Variants in RAB27B observed in about 807,000 individuals in gnomAD.
RAB27B encodes the protein RAB27B, member RAS oncogene family, also known as ras-related protein Rab-27B.
In RAB27B, 15 loss-of-function variants were observed where a neutral mutation model predicts 24.6. That is an observed-to-expected ratio of 0.61 (90% CI 0.41 to 0.94). RAB27B has a LOEUF of 0.94. RAB27B is among the 40% of genes least tolerant of loss of function. The pLI is 0.00. For missense variants in RAB27B, 261 were observed against 266.8 expected, an observed-to-expected ratio of 0.98 and a Z score of 0.15; for synonymous variants, 105 against 92.5, an observed-to-expected ratio of 1.14 and a Z score of -0.78.
At chr18:54,878,373 A>G (rs890630651) in intron 2 of RAB27B, among the ~76,000 whole-genome samples, 3 of 152,198 alleles carry the variant, frequency 2.0e-5, no homozygotes. Context: ...CACAGAAGCT[A>G]GGCCAGATTT....
chr18:54,884,912 GATA>G (rs1420374910), intron 4 of RAB27B, among the ~76,000 whole-genome samples: 2 of 152,160 alleles, frequency 1.3e-5, no homozygotes, highest in African/African-American at 4.8e-5. Flanking sequence ...GTCGCATGAT[GATA>G]AGGTGAGGCA....
At chr18:54,822,215 G>A (rs1377087035) in intron 2 of RAB27B, among the ~76,000 whole-genome samples, 1 of 152,082 alleles carries the variant, frequency 6.6e-6, no homozygotes, top group Non-Finnish European at 1.5e-5. Flanking sequence ...TGATAAAAGT[G>A]TACTTTGAGA....
chr18:54,754,942 C>T (rs1024381355), intron 2 of RAB27B, among the ~76,000 whole-genome samples: 1 of 152,160 alleles, frequency 6.6e-6, no homozygotes, highest in South Asian at 2.1e-4. Flanking sequence ...AACTCTGGCT[C>T]TCCTAGGCTC....
rs140403789 is a variant in RAB27B, at chr18:54,772,809, T to C, written c.-20+54668T>C. ...CTTGGTATAATCATCAGGCTAGGTA[T>C]GGTGATTATACCTACCTTGTATATT... On this transcript the variant is annotated intron_variant, in intron 2 of 4. Transcript: ENST00000586570. Among the ~76,000 whole-genome samples the C allele has an allele frequency of 1.3e-3, 204 of 152,358 alleles. 4 individuals are homozygous for C. In the East Asian group the frequency reaches 0.034, roughly 26 times the overall value.
chr18:54,844,408 C>T (rs925682773), intron 1 of RAB27B, among the ~76,000 whole-genome samples: 31 of 107,868 alleles, frequency 2.9e-4, no homozygotes, highest in African/African-American at 6.1e-4. Flanking sequence ...CTTTTCTTTT[C>T]TTTTTTTTTT....
intron 2 of RAB27B, among the ~76,000 whole-genome samples, chr18:54,751,182 A>C (rs746422179): frequency 1.3e-5 from 2 of 152,084 alleles, no homozygotes; most frequent in Non-Finnish European, 2.9e-5. Context: ...GAGGCACTGG[A>C]GTAGTTCATA....
chr18:54,752,482 A>G (rs148938317), intron 2 of RAB27B, among the ~76,000 whole-genome samples: 4 of 152,358 alleles, frequency 2.6e-5, no homozygotes, highest in African/African-American at 9.6e-5. Context: ...TGCTTTACCA[A>G]ATCAGAGTAG....
chr18:54,799,452 T>C (rs768465790), intron 2 of RAB27B, among the ~76,000 whole-genome samples: 1 of 152,100 alleles, frequency 6.6e-6, no homozygotes, highest in Non-Finnish European at 1.5e-5. Flanking sequence ...GGGTATAATA[T>C]GTGAACATTT....
chr18:54,830,110 A>G (rs1274224929), intron 1 of RAB27B, among the ~76,000 whole-genome samples: 1 of 152,192 alleles, frequency 6.6e-6, no homozygotes, highest in African/African-American at 2.4e-5. Context: ...TAAGCAAACC[A>G]CAGTTCCCCT....
rs370327006 is a variant in RAB27B, at chr18:54,804,600, G to C, written c.-19-72967G>C. ...ATTCAATTGGCCTGTAATCTCCAAC[G>C]GTGTCAAGATCATGAGGGTCAAAGG... is the stretch of plus-strand genomic sequence containing the variant. On this transcript the variant is annotated intron_variant, in intron 2 of 4. Coordinates refer to the RAB27B transcript ENST00000586570. 2.2e-4 allele frequency among the ~76,000 whole-genome samples: 33 copies of C among 152,100 alleles called. 1 individual carries two copies. The highest frequency in any genetic ancestry group is 8.0e-4 in the African/African-American group (33 of 41,398).
intron 2 of RAB27B, among the ~76,000 whole-genome samples, chr18:54,756,489 A>C (rs528473700): frequency 3.6e-4 from 55 of 152,180 alleles, no homozygotes; most frequent in South Asian, 2.1e-4. Flanking sequence ...TTTAGCCCCT[A>C]GGAACTTACC....
intron 2 of RAB27B, among the ~76,000 whole-genome samples, chr18:54,814,722 T>C (rs897715970): frequency 6.6e-6 from 1 of 152,206 alleles, no homozygotes; most frequent in African/African-American, 2.4e-5. Context: ...TGCCAAAATA[T>C]TAATATTCTA....
chr18:54,894,012 G>A lies in RAB27B; in HGVS notation c.*4599G>A, dbSNP rs975068668. 9 of 151,874 alleles carry A rather than the reference G, an allele frequency of 5.9e-5. No homozygotes were observed. The highest frequency in any genetic ancestry group is 2.2e-4 in the African/African-American group (9 of 41,378). The allele number at this position is 151,874 out of a possible 1,614,324, so 9.4% of individuals were successfully genotyped here. A position where few individuals can be genotyped will look rare whatever the true frequency, so the allele number is the denominator to read the frequency against. On this transcript the variant is annotated 3_prime_UTR_variant, in exon 6 of 6. Transcript: ENST00000262094. ...CCTTTCGTTGTTGGCATAAAAATGTGATACACTTAGAGACATTTTGTTTAT... is the reference window on the plus strand; with the variant it reads ...CCTTTCGTTGTTGGCATAAAAATGTAATACACTTAGAGACATTTTGTTTAT...
intron 2 of RAB27B, among the ~76,000 whole-genome samples, chr18:54,782,799 TA>T (rs1212665825): frequency 6.6e-6 from 1 of 152,202 alleles, no homozygotes; most frequent in Non-Finnish European, 1.5e-5. Flanking sequence ...CTACCATTTG[TA>T]ACTGAAAATA....
At chr18:54,793,834 C>T (rs1909331183) in intron 2 of RAB27B, among the ~76,000 whole-genome samples, 1 of 152,102 alleles carries the variant, frequency 6.6e-6, no homozygotes, top group Non-Finnish European at 1.5e-5. Context: ...TCTCCTGAGC[C>T]CAGGAGTTCA....
intron 2 of RAB27B, among the ~76,000 whole-genome samples, chr18:54,749,889 T>C (rs567538709): frequency 2.6e-5 from 4 of 152,324 alleles, no homozygotes; most frequent in African/African-American, 9.6e-5. Context: ...TGTCAATTAA[T>C]ACCTGTTAGT....
intron 2 of RAB27B, among the ~76,000 whole-genome samples, chr18:54,748,150 A>C (rs755191762): frequency 3.3e-5 from 5 of 152,106 alleles, no homozygotes; most frequent in Non-Finnish European, 7.3e-5. Context: ...TCAGTGGTTG[A>C]TCCTATTCTA....
chr18:54,796,021 C>A (rs1444740637), intron 2 of RAB27B, among the ~76,000 whole-genome samples: 1 of 152,124 alleles, frequency 6.6e-6, no homozygotes, highest in African/African-American at 2.4e-5. Flanking sequence ...CCCAAAGTTT[C>A]CTTGTGTCCC....
intron 2 of RAB27B, among the ~76,000 whole-genome samples, chr18:54,776,661 C>T (rs1409011614): frequency 6.6e-6 from 1 of 152,144 alleles, no homozygotes; most frequent in Non-Finnish European, 1.5e-5. Flanking sequence ...TGTGTGTCTG[C>T]CTCTTGGACT....
Sources: allele counts gnomAD v4.1 joint callset (sites outside exome capture counted in the v4.1 genomes callset), GRCh38; gene constraint gnomAD v4.1.1; transcripts MANE v1.5; gene names NCBI Gene and HGNC (gene_info 2026-07-23, HGNC 2026-07-21).